The following TENM4 variants were observed in gnomAD, a reference collection of about 807,000 sequenced individuals.
The protein encoded by TENM4 is teneurin-4.
TENM4 carries 82 observed loss-of-function variants against 243.3 expected under a neutral mutation model. The ratio of observed to expected loss-of-function variants is 0.34; its 90% CI spans 0.28 to 0.40. TENM4 has a LOEUF of 0.40. Among genes scored for constraint, TENM4 ranks in the 10% least tolerant of loss-of-function variants. The pLI is 1.00. For synonymous variants in TENM4, 1,412 were observed against 1,456.3 expected (o/e 0.97, Z 0.69); for missense variants, 3,138 against 3,673.3 (o/e 0.85, Z 3.77).
At chr11:78,993,082 T>A (rs530516123) in intron 6 of TENM4, among the ~76,000 whole-genome samples, 1 of 152,180 alleles carries the variant, frequency 6.6e-6, no homozygotes, top group East Asian at 1.9e-4. Context: ...GAACAGCTAC[T>A]ATTGGCAACA....
At chr11:79,190,158 TCTTA>T (rs2098139076) in intron 3 of TENM4, among the ~76,000 whole-genome samples, 1 of 152,226 alleles carries the variant, frequency 6.6e-6, no homozygotes, top group South Asian at 2.1e-4. Flanking sequence ...TGCCTGTTTG[TCTTA>T]CTTGGTAGAC....
At chr11:79,264,015 CTAGAGTCAACTG>C (rs1565274655) in intron 2 of TENM4, among the ~76,000 whole-genome samples, 1 of 152,204 alleles carries the variant, frequency 6.6e-6, no homozygotes, top group African/African-American at 2.4e-5. Flanking sequence ...CCACTTTGAT[CTAGAGTCAACTG>C]TAGTATCTTC....
intron 4 of TENM4, among the ~76,000 whole-genome samples, chr11:79,133,097 C>A (rs573692932): frequency 1.3e-5 from 2 of 152,102 alleles, no homozygotes; most frequent in South Asian, 2.1e-4. Flanking sequence ...AACTGATAGA[C>A]CTCTAACAAG....
intron 6 of TENM4, among the ~76,000 whole-genome samples, chr11:79,060,193 TC>T (rs1860051101): frequency 6.6e-6 from 1 of 152,164 alleles, no homozygotes; most frequent in African/African-American, 2.4e-5. Flanking sequence ...TCTCACTGCC[TC>T]CCGACCCCCA....
chr11:78,872,923 T>A (rs1428147710), intron 9 of TENM4, among the ~76,000 whole-genome samples: 3 of 152,236 alleles, frequency 2.0e-5, no homozygotes, highest in Admixed American at 2.0e-4. Context: ...GAGAGGCCTT[T>A]TCCCTTTGGA....
At chr11:78,963,827 G>A (rs1294234431) in intron 6 of TENM4, among the ~76,000 whole-genome samples, 1 of 150,906 alleles carries the variant, frequency 6.6e-6, no homozygotes, top group Non-Finnish European at 1.5e-5. Context: ...TGCCTCCCAG[G>A]TCCAAGTGAT....
At chr11:78,944,194 C>T (rs1381518646) in intron 6 of TENM4, among the ~76,000 whole-genome samples, 1 of 152,096 alleles carries the variant, frequency 6.6e-6, no homozygotes, top group Non-Finnish European at 1.5e-5. Context: ...AACTAGCTGA[C>T]ATGTGGTGAC....
At chr11:79,159,673 C>T (rs1437997026) in intron 3 of TENM4, among the ~76,000 whole-genome samples, 1 of 152,156 alleles carries the variant, frequency 6.6e-6, no homozygotes, top group Non-Finnish European at 1.5e-5. Context: ...GATAGAGCTC[C>T]AGTCCTGCCC....
chr11:79,177,607 T>C (rs1169200073), intron 3 of TENM4, among the ~76,000 whole-genome samples: 2 of 151,836 alleles, frequency 1.3e-5, no homozygotes, highest in Non-Finnish European at 2.9e-5. Flanking sequence ...TGGAGGAAAG[T>C]AGAGTGGGAT....
chr11:79,290,071 C>T (rs188523558), intron 2 of TENM4, among the ~76,000 whole-genome samples: 112 of 152,168 alleles, frequency 7.4e-4, no homozygotes, highest in Non-Finnish European at 1.9e-4. Flanking sequence ...GTTGGGATTA[C>T]AGGCATGAGC....
intron 6 of TENM4, among the ~76,000 whole-genome samples, chr11:78,917,650 A>T (rs1215484367): frequency 6.6e-6 from 1 of 152,182 alleles, no homozygotes; most frequent in Non-Finnish European, 1.5e-5. Flanking sequence ...CAGAAATGTA[A>T]TAATAATACC....
Position 78,727,165 on chromosome 11 carries a change from C to T in TENM4, c.3407-943G>A, listed in dbSNP as rs188824748. On this transcript the variant is annotated intron_variant, in intron 22 of 33. Transcript: ENST00000278550. ...TGGTAATTTGCATTAAAAGAAATTA[C>T]GGGTTGGGCGCGGTGGCTCACGCCT... Among the ~76,000 whole-genome samples the T allele has an allele frequency of 6.1e-3, 929 of 152,218 alleles. 16 individuals are homozygous for T. The highest frequency in any genetic ancestry group is 0.021 in the African/African-American group (885 of 41,540).
At chr11:79,341,577 T>C (rs1857242560) in intron 1 of TENM4, among the ~76,000 whole-genome samples, 1 of 152,184 alleles carries the variant, frequency 6.6e-6, no homozygotes, top group African/African-American at 2.4e-5. Context: ...TGTGCAGTGA[T>C]TATGTATGTA....
Position 78,658,026 on chromosome 11 carries a change from T to C in TENM4, c.*32A>G. On this transcript the variant is annotated 3_prime_UTR_variant, in exon 34 of 34. Coordinates refer to ENST00000278550, the MANE Select transcript of TENM4 (RefSeq NM_001098816.3). Reference sequence around the variant, plus strand: ...AGGTATGCGGCCACAAAAGAGTAGCTGTCTTTGGCAAGAAGTCCTTGGTCC... The same window carrying C: ...AGGTATGCGGCCACAAAAGAGTAGCCGTCTTTGGCAAGAAGTCCTTGGTCC... 1 of 1,614,040 alleles carries C rather than the reference T, an allele frequency of 6.2e-7. No individual in the cohort carries two copies. Among genetic ancestry groups the C allele is most frequent in the African/African-American group, 1.3e-5 (1 of 75,074 alleles).
chr11:79,010,710 C>G (rs1375110591), intron 6 of TENM4, among the ~76,000 whole-genome samples: 1 of 152,100 alleles, frequency 6.6e-6, no homozygotes, highest in Non-Finnish European at 1.5e-5. Flanking sequence ...AAGACCTGCC[C>G]CCATGATTCA....
intron 1 of TENM4, among the ~76,000 whole-genome samples, chr11:79,364,459 G>T (rs1857643054): frequency 6.6e-6 from 1 of 152,122 alleles, no homozygotes; most frequent in Non-Finnish European, 1.5e-5. Flanking sequence ...CCATCAGAAG[G>T]TGGCTCCAAA....
chr11:79,374,228 C>A (rs1032425328), intron 1 of TENM4, among the ~76,000 whole-genome samples: 1 of 152,150 alleles, frequency 6.6e-6, no homozygotes, highest in Non-Finnish European at 1.5e-5. Context: ...TCGCCTCCAA[C>A]ACACATGGCT....
intron 3 of TENM4, among the ~76,000 whole-genome samples, chr11:79,169,758 C>G (rs1237995525): frequency 6.6e-6 from 1 of 152,202 alleles, no homozygotes; most frequent in Non-Finnish European, 1.5e-5. Flanking sequence ...TCAGAACATT[C>G]TGATGCACAG....
chr11:79,041,044 TG>T (rs1260196132), intron 6 of TENM4, among the ~76,000 whole-genome samples: 1 of 145,290 alleles, frequency 6.9e-6, no homozygotes, highest in African/African-American at 2.6e-5. Flanking sequence ...GATTGGTTCT[TG>T]GACAAATCAT....
Sources: allele counts gnomAD v4.1 joint callset (sites outside exome capture counted in the v4.1 genomes callset), GRCh38; gene constraint gnomAD v4.1.1; transcripts MANE v1.5; gene names NCBI Gene and HGNC (gene_info 2026-07-23, HGNC 2026-07-21).